FNBP1: variants seen among roughly 807,000 people sequenced by gnomAD.
FNBP1 encodes the protein formin-binding protein 1.
A neutral mutation model predicts 90.6 loss-of-function variants in FNBP1; 26 were observed. That is an observed-to-expected ratio of 0.29 (90% CI 0.21 to 0.40). The LOEUF is 0.40. Ranked by LOEUF, FNBP1 falls within the 10% of genes least tolerant of loss-of-function variation. The pLI, the probability that FNBP1 is intolerant of heterozygous loss-of-function variation, is 1.00. For missense variants in FNBP1, 635 were observed against 768.0 expected (o/e 0.83, Z 2.05); for synonymous variants, 260 against 265.2 (o/e 0.98, Z 0.19).
intron 2 of FNBP1, among the ~76,000 whole-genome samples, chr9:129,984,100 C>T (rs1379116199): frequency 6.6e-6 from 1 of 152,014 alleles, no homozygotes; most frequent in Non-Finnish European, 1.5e-5. Context: ...AACAGAAGGT[C>T]TAGGGTGGGG....
At chr9:129,934,690 G>C (rs1352189390) in intron 6 of FNBP1, among the ~76,000 whole-genome samples, 1 of 151,814 alleles carries the variant, frequency 6.6e-6, no homozygotes, top group African/African-American at 2.4e-5. Context: ...TCCTGCCTCA[G>C]CCTCCTGAGT....
At chr9:129,970,764 C>T (rs1018400193) in intron 4 of FNBP1, among the ~76,000 whole-genome samples, 16 of 152,160 alleles carry the variant, frequency 1.1e-4, no homozygotes, top group African/African-American at 3.9e-4. Flanking sequence ...TCCAGGGCTT[C>T]CAGGACTGCT....
chr9:129,909,798 C>G (rs10819576), intron 11 of FNBP1, among the ~76,000 whole-genome samples: 117,231 of 151,946 alleles, frequency 0.77, 45,656 homozygotes, highest in East Asian at 0.88. Flanking sequence ...TAATTTTCCA[C>G]AGTCTCTAAC....
intron 1 of FNBP1, among the ~76,000 whole-genome samples, chr9:129,995,806 C>T (rs185587668): frequency 4.6e-5 from 7 of 151,996 alleles, no homozygotes; most frequent in African/African-American, 1.5e-4. Context: ...GTGGAGTTGG[C>T]GAGTGATGAA....
chr9:129,895,970 C>T lies in FNBP1; in HGVS notation c.1714G>A (p.Val572Ile). The change falls in exon 16 of 17, where the codon GTT (valine) becomes ATT (isoleucine). Residue 572 changes from valine to isoleucine, a missense_variant. Coordinates refer to ENST00000446176, the MANE Select transcript of FNBP1 (RefSeq NM_015033.3). ...EGQNEGTISV[V>I]EGETLYVIEE... ...ATGACATACAATGTTTCTCCTTCAA[C>T]TACGGAAATCGTTCCTTCATTCTGA... 1 of 1,609,732 alleles carries T rather than the reference C, an allele frequency of 6.2e-7. No homozygotes were observed. The highest frequency in any genetic ancestry group is 8.5e-7 in the Non-Finnish European group (1 of 1,178,652).
chr9:130,003,937 A>T (rs2055267957), intron 1 of FNBP1, among the ~76,000 whole-genome samples: 1 of 151,638 alleles, frequency 6.6e-6, no homozygotes, highest in African/African-American at 2.4e-5. Flanking sequence ...AAAAAAAAGT[A>T]GTCTTCTGTA....
At chr9:130,009,137 T>G (rs1173988630) in intron 1 of FNBP1, among the ~76,000 whole-genome samples, 2 of 152,154 alleles carry the variant, frequency 1.3e-5, no homozygotes, top group African/African-American at 4.8e-5. Flanking sequence ...AAAAAATGTT[T>G]AAGGCCCTGG....
chr9:130,013,790 A>G, intron 1 of FNBP1: 1 of 451,862 alleles, frequency 2.2e-6, no homozygotes, highest in Non-Finnish European at 4.4e-6. Flanking sequence ...GAATGGTTTA[A>G]TATCATTATC....
At chr9:130,026,587 C>G (rs13289198) in intron 1 of FNBP1, among the ~76,000 whole-genome samples, 1 of 152,050 alleles carries the variant, frequency 6.6e-6, no homozygotes, top group African/African-American at 2.4e-5. Context: ...AGAACTAGAT[C>G]TGAGATGCCT....
chr9:130,023,882 T>A (rs543664318), intron 1 of FNBP1, among the ~76,000 whole-genome samples: 2 of 152,196 alleles, frequency 1.3e-5, no homozygotes, highest in East Asian at 3.8e-4. Context: ...TTTTGCCCCA[T>A]GTCCCTAGGA....
In FNBP1 at chr9:129,957,493, C is replaced by T; in HGVS notation, c.409-29G>A. 2 of 1,454,038 alleles carry T rather than the reference C, an allele frequency of 1.4e-6. No homozygotes were observed. The allele number at this position is 1,454,038 out of a possible 1,614,324, so 90.1% of individuals were successfully genotyped here. On this transcript the variant is annotated intron_variant, in intron 5 of 16. Transcript: ENST00000446176. This position sits in a 1 kb window ranked among gnomAD's most constrained non-coding sequence, Gnocchi z 4.3. ...AAATCAGAGGAAAATAATTATGAAA[C>T]CATAAGAGTCCTACGAGAAGATGTA...
In FNBP1 at chr9:129,909,085, G is replaced by GC. The variant is rs397720872; in HGVS notation, c.1186-87_1186-86insG. 36 of 869,144 alleles carry GC rather than the reference G, an allele frequency of 4.1e-5. 1 individual carries two copies. In the Admixed American group the frequency reaches 6.1e-4, roughly 15 times the overall value. 53.8% of individuals were successfully genotyped at this position (869,144 alleles called of 1,614,324 possible). A position where few individuals can be genotyped will look rare whatever the true frequency, so the allele number is the denominator to read the frequency against. ...GAAAGCAAAGCCTGCAGCCATGGGG[G>GC]GTGCAGACATCTGCATGTGGCTTCA... On this transcript the variant is annotated intron_variant, in intron 11 of 16. Coordinates refer to ENST00000446176, the MANE Select transcript of FNBP1 (RefSeq NM_015033.3).
intron 2 of FNBP1, among the ~76,000 whole-genome samples, chr9:129,989,943 TG>T (rs1195418779): frequency 6.6e-6 from 1 of 150,590 alleles, no homozygotes; most frequent in Non-Finnish European, 1.5e-5. Flanking sequence ...GAGGCTGTGG[TG>T]GGAGGTTCAC....
intron 7 of FNBP1, among the ~76,000 whole-genome samples, chr9:129,928,997 T>G (rs2042324995): frequency 6.6e-6 from 1 of 151,976 alleles, no homozygotes; most frequent in African/African-American, 2.4e-5. Context: ...AGGCTGAACT[T>G]GGAGGATCCC....
At chr9:129,962,044 A>G (rs1198035248) in intron 4 of FNBP1, among the ~76,000 whole-genome samples, 1 of 152,162 alleles carries the variant, frequency 6.6e-6, no homozygotes, top group East Asian at 1.9e-4. Flanking sequence ...GATTTGCCAC[A>G]AGGATGTTCT....
chr9:129,921,980 G>A (rs1244577590), intron 10 of FNBP1, among the ~76,000 whole-genome samples: 1 of 152,054 alleles, frequency 6.6e-6, no homozygotes, highest in Non-Finnish European at 1.5e-5. Context: ...GAGAGTCCAG[G>A]AGAAGGGAAA....
intron 2 of FNBP1, among the ~76,000 whole-genome samples, chr9:129,990,932 GTTT>G (rs35179648): frequency 3.1e-5 from 4 of 129,998 alleles, no homozygotes; most frequent in Non-Finnish European, 4.9e-5. Context: ...TGACACCAGG[GTTT>G]TTTTTTTTTT....
intron 6 of FNBP1, among the ~76,000 whole-genome samples, chr9:129,934,685 C>G (rs2043185028): frequency 6.6e-6 from 1 of 151,952 alleles, no homozygotes; most frequent in Non-Finnish European, 1.5e-5. Context: ...AATTTTCCTG[C>G]CTCAGCCTCC....
intron 6 of FNBP1, among the ~76,000 whole-genome samples, chr9:129,947,588 G>A (rs1391399925): frequency 2.6e-5 from 4 of 151,994 alleles, no homozygotes; most frequent in Non-Finnish European, 5.9e-5. Flanking sequence ...ATGGATACAT[G>A]TGAATACTTC....
Sources: allele counts gnomAD v4.1 joint callset (sites outside exome capture counted in the v4.1 genomes callset), GRCh38; gene constraint gnomAD v4.1.1; non-coding constraint Gnocchi (gnomAD v3.1); transcripts MANE v1.5; gene names NCBI Gene and HGNC (gene_info 2026-07-23, HGNC 2026-07-21).